Variants in VIT observed in about 807,000 individuals in gnomAD.
VIT encodes vitrin.
A neutral mutation model predicts 78.0 loss-of-function variants in VIT; 99 were observed. The observed-to-expected ratio is 1.27, with a 90% CI of 1.08 to 1.50. The LOEUF (loss-of-function observed/expected upper bound fraction) is 1.50. Ranked by LOEUF, VIT falls within the 40% of genes most tolerant of loss-of-function variation. The pLI is 0.00. For missense variants in VIT, 1,126 were observed against 875.3 expected (o/e 1.29, Z -3.61); for synonymous variants, 374 against 334.3 (o/e 1.12, Z -1.29).
chr2:36,746,209 A>G (rs1307846645), intron 4 of VIT, among the ~76,000 whole-genome samples: 4 of 152,212 alleles, frequency 2.6e-5, no homozygotes, highest in Admixed American at 6.5e-5. Flanking sequence ...TTGGTTTGCT[A>G]GCACTCTGTT....
chr2:36,755,198 A>G, intron 5 of VIT, 144 bp downstream of exon 5: 1 of 959,002 alleles, frequency 1.0e-6, no homozygotes, highest in Non-Finnish European at 1.5e-6. Context: ...TAGAATCACG[A>G]CACAATAAAT....
At chr2:36,785,403 GAAAA>G (rs201304788) in intron 11 of VIT, among the ~76,000 whole-genome samples, 1 of 149,182 alleles carries the variant, frequency 6.7e-6, no homozygotes, top group Non-Finnish European at 1.5e-5. Flanking sequence ...AGCCCCGCCA[GAAAA>G]AAAAAATGAG....
intron 6 of VIT, among the ~76,000 whole-genome samples, chr2:36,761,260 G>A (rs1037211798): frequency 3.9e-5 from 6 of 152,158 alleles, no homozygotes; most frequent in African/African-American, 7.2e-5. Context: ...AAGTGTGAAG[G>A]AAGGGAGAAA....
At chr2:36,768,476 TA>T (rs1223685698) in intron 7 of VIT, among the ~76,000 whole-genome samples, 1 of 152,262 alleles carries the variant, frequency 6.6e-6, no homozygotes, top group African/African-American at 2.4e-5. Flanking sequence ...TTGAATATGC[TA>T]GCCCATCTTC....
intron 12 of VIT, among the ~76,000 whole-genome samples, chr2:36,795,274 T>TGG (rs199897312): frequency 6.6e-6 from 1 of 151,426 alleles, no homozygotes; most frequent in African/African-American, 2.4e-5. Context: ...TGTGTAGAGG[T>TGG]GGGGAAAAAG....
chr2:36,785,135 A>G (rs1387555344), intron 11 of VIT, among the ~76,000 whole-genome samples: 2 of 152,224 alleles, frequency 1.3e-5, no homozygotes, highest in African/African-American at 2.4e-5. Context: ...CCCTTACTCT[A>G]ATTAACACTT....
intron 12 of VIT, among the ~76,000 whole-genome samples, chr2:36,788,339 C>A (rs1665251953): frequency 6.6e-6 from 1 of 152,160 alleles, no homozygotes. Flanking sequence ...TCAAAGAGAT[C>A]AATATTAATT....
intron 15 of VIT, among the ~76,000 whole-genome samples, chr2:36,811,533 A>G (rs1667168646): frequency 6.6e-6 from 1 of 152,236 alleles, no homozygotes; most frequent in African/African-American, 2.4e-5. Flanking sequence ...TGCAAATGTA[A>G]TGAGCATTGT....
chr2:36,719,705 G>A (rs983902727), intron 2 of VIT, among the ~76,000 whole-genome samples: 1 of 152,204 alleles, frequency 6.6e-6, no homozygotes, highest in Non-Finnish European at 1.5e-5. Context: ...TTGCGTGGCG[G>A]AAGTAGGCAG....
chr2:36,762,336 A>G (rs986585879), intron 6 of VIT, among the ~76,000 whole-genome samples: 1 of 152,170 alleles, frequency 6.6e-6, no homozygotes, highest in Non-Finnish European at 1.5e-5. Flanking sequence ...AGGCATTACT[A>G]TCATCTCCTT....
chr2:36,774,049 C>T (rs1242610699), intron 8 of VIT, among the ~76,000 whole-genome samples: 1 of 152,182 alleles, frequency 6.6e-6, no homozygotes, highest in Admixed American at 6.5e-5. Flanking sequence ...CTGTCCCACT[C>T]TCTGTTCCCC....
chr2:36,704,291 T>C (rs1047237730), intron 1 of VIT, among the ~76,000 whole-genome samples: 2 of 152,156 alleles, frequency 1.3e-5, no homozygotes, highest in Non-Finnish European at 2.9e-5. Flanking sequence ...GGTGCAATAG[T>C]CCTTACCCAA....
At chr2:36,773,163 T>C (rs1669854887) in intron 7 of VIT, among the ~76,000 whole-genome samples, 1 of 152,214 alleles carries the variant, frequency 6.6e-6, no homozygotes, top group Non-Finnish European at 1.5e-5. Flanking sequence ...AAGGATTACT[T>C]CAACCTCCCC....
At chr2:36,701,763 G>C (rs987290681) in intron 1 of VIT, among the ~76,000 whole-genome samples, 1 of 152,132 alleles carries the variant, frequency 6.6e-6, no homozygotes, top group East Asian at 1.9e-4. Context: ...TGGACATAAA[G>C]GTGCAAGTTA....
intron 12 of VIT, among the ~76,000 whole-genome samples, chr2:36,800,444 C>T (rs1172803763): frequency 1.3e-5 from 2 of 152,204 alleles, no homozygotes; most frequent in East Asian, 1.9e-4. Context: ...AATTTCAAGA[C>T]GGCAGCAGCA....
intron 3 of VIT, among the ~76,000 whole-genome samples, chr2:36,731,897 A>G (rs1405765883): frequency 6.6e-6 from 1 of 152,180 alleles, no homozygotes; most frequent in African/African-American, 2.4e-5. Flanking sequence ...GAAATAAAAG[A>G]AAGATTTGCT....
Position 36,754,960 on chromosome 2 carries a change from GA to G in VIT, c.317del (p.Lys106ArgfsTer31). The G allele has an allele frequency of 2.5e-6, 4 of 1,614,080 alleles. No homozygotes were observed. Among genetic ancestry groups the G allele is most frequent in the Non-Finnish European group, 3.4e-6 (4 of 1,179,996 alleles). Reference protein sequence around the residue: ...DNSGGKILVRKVAGQSGYKGS... With the variant: ...DNSGGKILVRXVAGQSGYKGS... Reference sequence around the variant, plus strand: ...ATTCAGGAGGGAAAATACTTGTTCGGAAGGTTGCTGGACAGTCTGGTTACAA... The same window carrying G: ...ATTCAGGAGGGAAAATACTTGTTCGGAGGTTGCTGGACAGTCTGGTTACAA... On this transcript the variant is annotated frameshift_variant, in exon 5 of 16. Transcript: ENST00000379242. LOFTEE classifies it high-confidence loss of function.
intron 12 of VIT, among the ~76,000 whole-genome samples, chr2:36,798,716 G>C (rs1478138566): frequency 6.6e-6 from 1 of 152,068 alleles, no homozygotes; most frequent in East Asian, 1.9e-4. Context: ...CCAAAATCGA[G>C]CCACTGCACT....
intron 12 of VIT, among the ~76,000 whole-genome samples, chr2:36,791,690 G>A (rs951588356): frequency 3.9e-5 from 6 of 152,170 alleles, no homozygotes; most frequent in African/African-American, 1.4e-4. Context: ...AGAAGTGCAG[G>A]CATCCTCTAG....
Sources: gnomAD v4.1 joint callset for allele counts (sites outside exome capture counted in the v4.1 genomes callset) on GRCh38, gnomAD v4.1.1 for gene constraint, MANE v1.5 for transcripts, NCBI Gene and HGNC (gene_info 2026-07-23, HGNC 2026-07-21) for gene names.